Variants in DOP1B observed in about 807,000 individuals in gnomAD.
The protein encoded by DOP1B is DOP1 leucine zipper like protein B, also known as protein DOP1B.
A neutral mutation model predicts 233.5 loss-of-function variants in DOP1B; 174 were observed. The ratio of observed to expected loss-of-function variants is 0.75; its 90% CI spans 0.66 to 0.85. The LOEUF (loss-of-function observed/expected upper bound fraction) is 0.85. Ranked by LOEUF, DOP1B falls within the 40% of genes least tolerant of loss-of-function variation. DOP1B has a pLI of 0.00. For missense variants in DOP1B, 2,652 were observed against 2,846.6 expected, an observed-to-expected ratio of 0.93 and a Z score of 1.56; for synonymous variants, 1,190 against 1,185.6, an observed-to-expected ratio of 1.00 and a Z score of -0.08.
intron 23 of DOP1B, among the ~76,000 whole-genome samples, chr21:36,259,049 T>C (rs966850351): frequency 7.0e-6 from 1 of 142,860 alleles, no homozygotes; most frequent in African/African-American, 2.6e-5. Context: ...CACTGCAAGC[T>C]CCACCTCCCA....
At chr21:36,276,569 G>A (rs1005357003) in intron 27 of DOP1B, among the ~76,000 whole-genome samples, 6 of 151,626 alleles carry the variant, frequency 4.0e-5, no homozygotes, top group African/African-American at 1.5e-4. Context: ...GGCCAGGCAC[G>A]GTGGCTCACG....
At chr21:36,179,958 G>T (rs1204987408) in intron 2 of DOP1B, among the ~76,000 whole-genome samples, 1 of 152,104 alleles carries the variant, frequency 6.6e-6, no homozygotes, top group Non-Finnish European at 1.5e-5. Context: ...GTATGTGCTG[G>T]CCTGCCTTTG....
Position 36,211,972 on chromosome 21 carries a change from A to G in DOP1B, c.781-2A>G, listed in dbSNP as rs1569024140. The G allele has an allele frequency of 6.2e-7, 1 of 1,613,820 alleles. No individual in the cohort carries two copies. On this transcript the variant is annotated splice_acceptor_variant, in intron 6 of 36. Coordinates refer to ENST00000691173, the MANE Select transcript of DOP1B (RefSeq NM_001320714.2). LOFTEE classifies it high-confidence loss of function. The stretch of plus-strand genomic sequence containing the variant: ...CAGTAAATTTCTCTGTCCTTCTAAT[A>G]GGATTCCAATGAGAGAGCCATCCCC...
intron 27 of DOP1B, 30 bp downstream of exon 27, chr21:36,270,187 C>G: frequency 6.2e-7 from 1 of 1,609,308 alleles, no homozygotes; most frequent in Non-Finnish European, 8.5e-7. Flanking sequence ...CTGATAGTGC[C>G]TCTGGTCAGC....
chr21:36,201,365 T>TTTTTTTTTTTTTCA (rs2066364781), intron 4 of DOP1B, among the ~76,000 whole-genome samples: 1 of 147,180 alleles, frequency 6.8e-6, no homozygotes. Context: ...TTTTTTTTTT[T>TTTTTTTTTTTTTCA]GAGACAGAGT....
chr21:36,250,938 C>T (rs1185554225), intron 21 of DOP1B, among the ~76,000 whole-genome samples: 1 of 152,226 alleles, frequency 6.6e-6, no homozygotes, highest in Non-Finnish European at 1.5e-5. Context: ...GCCCCTTCCC[C>T]CCGCCGGCAT....
chr21:36,181,383 A>G lies in DOP1B; in HGVS notation c.138+16512A>G, dbSNP rs996100754. On this transcript the variant is annotated intron_variant, in intron 2 of 36. Coordinates refer to ENST00000691173, the MANE Select transcript of DOP1B (RefSeq NM_001320714.2). Reference sequence around the variant, plus strand: ...AACCTCCGTCTCCCAGGCTCAAGCAATTCTCCTGCCTCAGCCTCCCGAGTA... The same window carrying G: ...AACCTCCGTCTCCCAGGCTCAAGCAGTTCTCCTGCCTCAGCCTCCCGAGTA... 3.3e-5 allele frequency among the ~76,000 whole-genome samples: 5 copies of G among 152,146 alleles called. No homozygotes were observed. The East Asian group carries it at 5.8e-4, about 18-fold the overall frequency.
At chr21:36,205,152 T>C (rs2066413301) in intron 4 of DOP1B, among the ~76,000 whole-genome samples, 1 of 152,204 alleles carries the variant, frequency 6.6e-6, no homozygotes, top group Admixed American at 6.5e-5. Context: ...CTTTCCATGG[T>C]TGTCCTTTTG....
chr21:36,270,727 A>G (rs2067278821), intron 27 of DOP1B, among the ~76,000 whole-genome samples: 1 of 151,472 alleles, frequency 6.6e-6, no homozygotes, highest in Admixed American at 6.6e-5. Context: ...CAGCCTGGCC[A>G]AGATGGTGAA....
chr21:36,158,611 T>C (rs1161222683), intron 1 of DOP1B, among the ~76,000 whole-genome samples: 1 of 152,068 alleles, frequency 6.6e-6, no homozygotes, highest in African/African-American at 2.4e-5. Context: ...AAGACCATCC[T>C]GGCCAACATG....
In DOP1B at chr21:36,268,027, G is replaced by A. The variant is rs370076906; in HGVS notation, c.5488-1986G>A. Among the ~76,000 whole-genome samples the A allele has an allele frequency of 2.4e-4, 37 of 152,292 alleles. No homozygotes were observed. In the South Asian group the frequency reaches 5.6e-3, roughly 23 times the overall value. ...TAAGGGTCTATGTTCAGCGGTGCAC[G>A]TATTGTCTTGATAAACATCTTATCT... On this transcript the variant is annotated intron_variant, in intron 26 of 36. Coordinates refer to ENST00000691173, the MANE Select transcript of DOP1B (RefSeq NM_001320714.2).
chr21:36,219,500 T>G lies in DOP1B; in HGVS notation c.1250+8T>G. 1 of 1,613,904 alleles carries G rather than the reference T, an allele frequency of 6.2e-7. No individual in the cohort carries two copies. Among genetic ancestry groups the G allele is most frequent in the Non-Finnish European group, 8.5e-7 (1 of 1,179,876 alleles). ...TGGAAATTCGCTGATAAGGTATGGGTTTGGCCTTGAACCTCACGCATCTCT... is the reference window on the plus strand; with the variant it reads ...TGGAAATTCGCTGATAAGGTATGGGGTTGGCCTTGAACCTCACGCATCTCT... On this transcript the variant is annotated splice_region_variant and intron_variant, in intron 10 of 36. Coordinates refer to ENST00000691173, the MANE Select transcript of DOP1B (RefSeq NM_001320714.2).
intron 26 of DOP1B, among the ~76,000 whole-genome samples, chr21:36,264,128 ATCT>A (rs1569059995): frequency 1.3e-5 from 2 of 152,194 alleles, no homozygotes. Context: ...GGAATAAGAA[ATCT>A]TATTTCCCCC....
Position 36,248,184 on chromosome 21 carries a change from C to CA in DOP1B, c.4810-195dup, listed in dbSNP as rs758486303. ...AGTTTGTAATTTAGAACATCAGACT[C>CA]ACAGCTGTCTCTGTGAAAGAGAACC... On this transcript the variant is annotated intron_variant, in intron 20 of 36. Coordinates refer to ENST00000691173, the MANE Select transcript of DOP1B (RefSeq NM_001320714.2). 2.5e-3 allele frequency among the ~76,000 whole-genome samples: 387 copies of CA among 152,314 alleles called. 3 individuals carry two copies. The highest frequency in any genetic ancestry group is 3.0e-3 in the Non-Finnish European group (205 of 68,028).
At chr21:36,238,526 TG>T in intron 16 of DOP1B, 74 bp from the exon 17 acceptor site, 1 of 1,227,130 alleles carries the variant, frequency 8.1e-7, no homozygotes, top group East Asian at 2.3e-5. Flanking sequence ...ATTGTTTAAA[TG>T]GGGTTTATGG....
chr21:36,233,061 A>G lies in DOP1B; in HGVS notation c.2608A>G (p.Thr870Ala). 1.2e-6 allele frequency: 2 copies of G among 1,613,962 alleles called. No homozygotes were observed. Among genetic ancestry groups the G allele is most frequent in the Non-Finnish European group, 1.7e-6 (2 of 1,179,940 alleles). Reference sequence around the variant, plus strand: ...GATATTGAAAGTCATTGCAGAGAAAACAGATTTCTATCAGGTATTTCCCAC... The same window carrying G: ...GATATTGAAAGTCATTGCAGAGAAAGCAGATTTCTATCAGGTATTTCCCAC... The part of the protein sequence containing the change: ...PGILKVIAEK[T>A]DFYQRVARVL... Residue 870 changes from threonine to alanine, a missense_variant, in exon 15 of 37, where the codon ACA (threonine) becomes GCA (alanine). Physicochemically the swap from Thr to Ala is moderately conservative, Grantham distance 58. Around this residue, in one of 3 missense-constraint regions of DOP1B, gnomAD observed 2,617 missense variants for 2,794.3 expected, o/e 0.94. Transcript: ENST00000691173.
rs557097851 is a variant in DOP1B, at chr21:36,205,680, G to C, written c.492-3035G>C. Among the ~76,000 whole-genome samples, 9 of 152,102 alleles carry C rather than the reference G, an allele frequency of 5.9e-5. No individual in the cohort carries two copies. The South Asian group carries it at 1.9e-3, about 32-fold the overall frequency. On this transcript the variant is annotated intron_variant, in intron 4 of 36. Coordinates refer to ENST00000691173, the MANE Select transcript of DOP1B (RefSeq NM_001320714.2). ...TGGGATTACAGGTGTCAGCCACTGT[G>C]CCTGGCCCGTTTGTTGGTTTTGAAT... is the stretch of plus-strand genomic sequence containing the variant.
chr21:36,159,975 C>T (rs1240761496), intron 1 of DOP1B, among the ~76,000 whole-genome samples: 2 of 152,152 alleles, frequency 1.3e-5, no homozygotes, highest in Non-Finnish European at 1.5e-5. Flanking sequence ...GGTACTTCCA[C>T]TTTTATTAGG....
At position 36,292,104 on chromosome 21, in the gene DOP1B, T is replaced by G; in HGVS notation, c.6516T>G (p.Ile2172Met). ...FPPDKMPLFQ[I>M]YRWAFIPEVD... ...CTGACCTTCTGTTTGTTCCCTGCAG[T>G]TATAGGTGGGCATTTATTCCAGAAG... is the stretch of plus-strand genomic sequence containing the variant. Residue 2172 changes from isoleucine (I) to methionine (M), a missense_variant and splice_region_variant, in exon 36 of 37, where the codon ATT (isoleucine) becomes ATG (methionine). This residue lies in a region of DOP1B where 2,617 missense variants were observed against 2,794.3 expected (regional missense o/e 0.94). Coordinates refer to ENST00000691173, the MANE Select transcript of DOP1B (RefSeq NM_001320714.2). The G allele has an allele frequency of 2.5e-6, 4 of 1,598,104 alleles. No individual in the cohort carries two copies. Among genetic ancestry groups the G allele is most frequent in the Non-Finnish European group, 3.4e-6 (4 of 1,175,666 alleles).
Sources: allele counts gnomAD v4.1 joint callset (sites outside exome capture counted in the v4.1 genomes callset), GRCh38; gene constraint gnomAD v4.1.1; regional missense constraint gnomAD v4.1.1; transcripts MANE v1.5; gene names NCBI Gene and HGNC (gene_info 2026-07-23, HGNC 2026-07-21).